The following TCF4 variants were observed in gnomAD, a reference collection of about 807,000 sequenced individuals.
TCF4 encodes the protein SL3-3 enhancer factor 2.
TCF4 carries 3 observed loss-of-function variants against 82.1 expected under a neutral mutation model. The observed-to-expected ratio is 0.04, with a 90% CI of 0.02 to 0.09. The LOEUF is 0.09. TCF4 is among the 10% of genes least tolerant of loss of function. TCF4 has a pLI of 1.00. For missense variants in TCF4, 518 were observed against 852.7 expected (o/e 0.61, Z 4.89); for synonymous variants, 276 against 309.6 (o/e 0.89, Z 1.14).
rs2097723776 is a variant in TCF4, at chr18:55,623,673, A to G, written c.286+7625T>C. On this transcript the variant is annotated intron_variant, in intron 2 of 20. Transcript: ENST00000398339. ...ATTTTTTTTTGAAAGTGAATCCATCATTTTCTTTAACACGCCTGATCCTTG... is the reference window on the plus strand; with the variant it reads ...ATTTTTTTTTGAAAGTGAATCCATCGTTTTCTTTAACACGCCTGATCCTTG... Among the ~76,000 whole-genome samples the G allele has an allele frequency of 2.6e-5, 4 of 152,180 alleles. No individual in the cohort carries two copies. In the South Asian group the frequency reaches 8.3e-4, roughly 32 times the overall value.
intron 3 of TCF4, among the ~76,000 whole-genome samples, chr18:55,547,818 T>A (rs1173744494): frequency 6.6e-6 from 1 of 152,186 alleles, no homozygotes; most frequent in African/African-American, 2.4e-5. Flanking sequence ...CAAACTGCCA[T>A]TTTCGCAGTG....
At chr18:55,602,648 C>A (rs2097698316) in intron 2 of TCF4, among the ~76,000 whole-genome samples, 1 of 152,180 alleles carries the variant, frequency 6.6e-6, no homozygotes, top group East Asian at 1.9e-4. Context: ...CCATTACCAT[C>A]AATAATTGAG....
chr18:55,426,126 C>A (rs1485803518), intron 5 of TCF4, among the ~76,000 whole-genome samples: 1 of 142,086 alleles, frequency 7.0e-6, no homozygotes, highest in Admixed American at 6.8e-5. Context: ...TATACACACA[C>A]ACACACACAT....
chr18:55,322,093 T>A, intron 8 of TCF4: 1 of 487,752 alleles, frequency 2.1e-6, no homozygotes, highest in Non-Finnish European at 2.5e-6. Flanking sequence ...TTTTCTTTTC[T>A]TTTTTTTTTT....
intron 3 of TCF4, among the ~76,000 whole-genome samples, chr18:55,520,195 A>G (rs2096921478): frequency 6.6e-6 from 1 of 152,218 alleles, no homozygotes; most frequent in African/African-American, 2.4e-5. Context: ...TGTCTCTAGG[A>G]ATCAATTTAT....
chr18:55,364,361 G>A (rs138905124), intron 6 of TCF4, among the ~76,000 whole-genome samples: 5 of 152,070 alleles, frequency 3.3e-5, no homozygotes, highest in African/African-American at 1.2e-4. Flanking sequence ...TAATGAAAAA[G>A]CATGTTTTTA....
chr18:55,459,022 C>T (rs750669140), intron 5 of TCF4, among the ~76,000 whole-genome samples: 1 of 152,126 alleles, frequency 6.6e-6, no homozygotes, highest in Non-Finnish European at 1.5e-5. Context: ...ATGTTTCAAA[C>T]CAGACAGCTT....
intron 3 of TCF4, among the ~76,000 whole-genome samples, chr18:55,480,044 A>T (rs1282503862): frequency 6.6e-6 from 1 of 152,096 alleles, no homozygotes; most frequent in Non-Finnish European, 1.5e-5. Flanking sequence ...CGTCTGTCTC[A>T]AGAAAATAGA....
chr18:55,306,259 TC>T (rs1348084632), intron 8 of TCF4, among the ~76,000 whole-genome samples: 2 of 152,200 alleles, frequency 1.3e-5, no homozygotes, highest in Admixed American at 1.3e-4. Context: ...AGTACTGTTT[TC>T]ATTTAGCATG....
chr18:55,501,074 A>T (rs2096694437), intron 3 of TCF4, among the ~76,000 whole-genome samples: 1 of 152,230 alleles, frequency 6.6e-6, no homozygotes, highest in Admixed American at 6.5e-5. Context: ...ATGAGTGATT[A>T]AAAGAATTCA....
intron 2 of TCF4, among the ~76,000 whole-genome samples, chr18:55,629,866 T>C (rs72934703): frequency 6.4e-4 from 97 of 152,312 alleles, no homozygotes; most frequent in Non-Finnish European, 1.2e-3. Flanking sequence ...CACGGGGCTT[T>C]TGTAAAACAA....
chr18:55,611,880 T>G (rs2097707370), intron 2 of TCF4, among the ~76,000 whole-genome samples: 1 of 152,284 alleles, frequency 6.6e-6, no homozygotes, highest in South Asian at 2.1e-4. Flanking sequence ...GCGATTCTCT[T>G]GCCTCAGCCT....
chr18:55,579,710 A>G (rs1033613878), intron 3 of TCF4, among the ~76,000 whole-genome samples: 17 of 151,998 alleles, frequency 1.1e-4, no homozygotes, highest in Non-Finnish European at 7.4e-5. Context: ...AACGTTGAAA[A>G]TCACAGGCCT....
chr18:55,234,392 T>A, intron 16 of TCF4, 156 bp downstream of exon 16: 1 of 1,008,004 alleles, frequency 9.9e-7, no homozygotes, highest in East Asian at 2.6e-5. Flanking sequence ...CGGGCGAAGT[T>A]CTAAATACTT....
At chr18:55,322,664 G>A (rs1312345390) in intron 8 of TCF4, among the ~76,000 whole-genome samples, 1 of 152,216 alleles carries the variant, frequency 6.6e-6, no homozygotes, top group East Asian at 1.9e-4. Context: ...TGGGCCCAGA[G>A]CCTACGGAGG....
chr18:55,313,785 T>G (rs1027383485), intron 8 of TCF4, among the ~76,000 whole-genome samples: 5 of 152,150 alleles, frequency 3.3e-5, no homozygotes, highest in African/African-American at 1.2e-4. Context: ...AAGAAAAGTA[T>G]AATCTTATAC....
At chr18:55,492,170 A>C (rs1449183876) in intron 3 of TCF4, 3 of 152,156 alleles carry the variant, frequency 2.0e-5, no homozygotes, top group Non-Finnish European at 4.4e-5. Flanking sequence ...GAGGAACAGG[A>C]CATCAGATGG....
At chr18:55,492,047 C>T (rs1007947393) in intron 3 of TCF4, 4 of 152,130 alleles carry the variant, frequency 2.6e-5, no homozygotes, top group Non-Finnish European at 4.4e-5. Context: ...CTGTGCAGTC[C>T]TATTATACTT....
intron 3 of TCF4, among the ~76,000 whole-genome samples, chr18:55,477,728 A>G (rs1037780112): frequency 1.3e-5 from 2 of 152,198 alleles, no homozygotes; most frequent in African/African-American, 4.8e-5. Flanking sequence ...TTCAGGTTCT[A>G]TAAAACATGT....
Sources: allele counts gnomAD v4.1 joint callset (sites outside exome capture counted in the v4.1 genomes callset), GRCh38; gene constraint gnomAD v4.1.1; transcripts MANE v1.5; gene names NCBI Gene and HGNC (gene_info 2026-07-23, HGNC 2026-07-21).